The following DDX10 variants were observed in gnomAD, a reference collection of about 807,000 sequenced individuals.
The protein encoded by DDX10 is probable ATP-dependent RNA helicase DDX10.
Under a neutral mutation model 104.3 loss-of-function variants are expected in DDX10, and 74 were observed. The ratio of observed to expected loss-of-function variants is 0.71; its 90% CI spans 0.59 to 0.86. The LOEUF (loss-of-function observed/expected upper bound fraction) is 0.86. DDX10 is among the 40% of genes least tolerant of loss of function. DDX10 has a pLI of 0.00. For synonymous variants in DDX10, 351 were observed against 353.4 expected, an observed-to-expected ratio of 0.99 and a Z score of 0.08; for missense variants, 952 against 1,040.0, an observed-to-expected ratio of 0.92 and a Z score of 1.16.
chr11:108,913,931 C>T (rs929026588), intron 16 of DDX10, among the ~76,000 whole-genome samples: 6 of 152,002 alleles, frequency 3.9e-5, no homozygotes, highest in Admixed American at 6.6e-5. Context: ...ACAGGTATTC[C>T]ACATTTTATT....
chr11:108,733,250 C>T (rs545071795), intron 13 of DDX10, among the ~76,000 whole-genome samples: 1 of 152,016 alleles, frequency 6.6e-6, no homozygotes, highest in East Asian at 1.9e-4. Flanking sequence ...CAAGATTCTC[C>T]TATGTGGGAG....
At chr11:108,936,654 T>C (rs1163560533) in intron 17 of DDX10, among the ~76,000 whole-genome samples, 1 of 152,230 alleles carries the variant, frequency 6.6e-6, no homozygotes, top group Admixed American at 6.5e-5. Context: ...TGAAACATCA[T>C]TTTTAATAGC....
At chr11:108,938,662 C>G (rs776783138) in intron 17 of DDX10, among the ~76,000 whole-genome samples, 1 of 152,172 alleles carries the variant, frequency 6.6e-6, no homozygotes, top group South Asian at 2.1e-4. Flanking sequence ...TCATGTTCAT[C>G]TCTCCAGGCA....
rs539078634 is a variant in DDX10 at position 108,852,651 on chromosome 11, A to G, written c.2304+442A>G. Among the ~76,000 whole-genome samples, 3 of 152,338 alleles carry G rather than the reference A, an allele frequency of 2.0e-5. No individual in the cohort carries two copies. The South Asian group carries it at 6.2e-4, about 32-fold the overall frequency. Reference sequence around the variant, plus strand: ...CAGTTCAGCTCTTAGAATCTAGGAGAAAAGCATTCTGTATCTCCCACTTTT... The same window carrying G: ...CAGTTCAGCTCTTAGAATCTAGGAGGAAAGCATTCTGTATCTCCCACTTTT... On this transcript the variant is annotated intron_variant, in intron 16 of 17. Coordinates refer to ENST00000322536, the MANE Select transcript of DDX10 (RefSeq NM_004398.4).
At chr11:108,842,948 A>G (rs1039211448) in intron 15 of DDX10, among the ~76,000 whole-genome samples, 1 of 152,194 alleles carries the variant, frequency 6.6e-6, no homozygotes, top group African/African-American at 2.4e-5. Flanking sequence ...CTTTTCTCCC[A>G]TGTGGAAGTT....
At chr11:108,907,577 C>T (rs1229915013) in intron 16 of DDX10, among the ~76,000 whole-genome samples, 2 of 152,068 alleles carry the variant, frequency 1.3e-5, no homozygotes, top group African/African-American at 4.8e-5. Context: ...GCCTCTCATC[C>T]CCTCAAATTT....
chr11:108,875,730 A>G (rs1046674566), intron 16 of DDX10, among the ~76,000 whole-genome samples: 1 of 152,220 alleles, frequency 6.6e-6, no homozygotes, highest in Admixed American at 6.5e-5. Flanking sequence ...TTTCCAGTTC[A>G]TGAAGCACTT....
At chr11:108,673,665 A>G (rs1008355986) in intron 2 of DDX10, 138 bp downstream of exon 2, 1 of 624,930 alleles carries the variant, frequency 1.6e-6, no homozygotes, top group Non-Finnish European at 2.8e-6. Flanking sequence ...AAAATAAGCA[A>G]TATTCAAGTT....
chr11:108,739,976 C>CTT (rs35940578), intron 13 of DDX10, among the ~76,000 whole-genome samples: 27 of 127,456 alleles, frequency 2.1e-4, no homozygotes, highest in African/African-American at 4.9e-4. Flanking sequence ...GGCTACCCAC[C>CTT]TTTTTTTTTT....
At chr11:108,926,101 A>G (rs1403418327) in intron 17 of DDX10, among the ~76,000 whole-genome samples, 1 of 152,178 alleles carries the variant, frequency 6.6e-6, no homozygotes, top group East Asian at 1.9e-4. Flanking sequence ...TAGCTGTGAG[A>G]AAAAGGCATA....
At chr11:108,873,578 A>G (rs2553757) in intron 16 of DDX10, among the ~76,000 whole-genome samples, 114,807 of 152,026 alleles carry the variant, frequency 0.76, 43,690 homozygotes, top group Admixed American at 0.8. Flanking sequence ...TTCCGAGAAC[A>G]CCTTCTTTTG....
At chr11:108,812,432 A>C (rs1339724104) in intron 13 of DDX10, among the ~76,000 whole-genome samples, 1 of 152,080 alleles carries the variant, frequency 6.6e-6, no homozygotes, top group African/African-American at 2.4e-5. Flanking sequence ...AAAAACGTAC[A>C]ATTGAAGGAG....
At chr11:108,678,959 A>C (rs1273518908) in intron 5 of DDX10, among the ~76,000 whole-genome samples, 1 of 143,342 alleles carries the variant, frequency 7.0e-6, no homozygotes, top group African/African-American at 2.6e-5. Flanking sequence ...TCATGGGTTC[A>C]AGTGATTCTC....
At chr11:108,693,000 A>G (rs1490590517) in intron 8 of DDX10, among the ~76,000 whole-genome samples, 4 of 152,132 alleles carry the variant, frequency 2.6e-5, no homozygotes. Context: ...GCATCCATCA[A>G]CCCGTCATCT....
chr11:108,779,232 G>T (rs1202637645), intron 13 of DDX10, among the ~76,000 whole-genome samples: 4 of 152,154 alleles, frequency 2.6e-5, no homozygotes, highest in African/African-American at 9.7e-5. Flanking sequence ...AAAGACACAT[G>T]CACACGTATG....
chr11:108,794,663 T>G (rs541599083), intron 13 of DDX10, among the ~76,000 whole-genome samples: 2 of 152,158 alleles, frequency 1.3e-5, no homozygotes, highest in African/African-American at 2.4e-5. Flanking sequence ...ACGTGGTTAA[T>G]GGTGTTTATT....
chr11:108,762,998 G>A (rs2134517735), intron 13 of DDX10, among the ~76,000 whole-genome samples: 1 of 152,244 alleles, frequency 6.6e-6, no homozygotes, highest in African/African-American at 2.4e-5. Context: ...AGAAATTGCA[G>A]CCACAAAGTG....
intron 13 of DDX10, among the ~76,000 whole-genome samples, chr11:108,766,010 G>A (rs1334813017): frequency 6.6e-6 from 1 of 152,178 alleles, no homozygotes; most frequent in African/African-American, 2.4e-5. Context: ...TTGCTGCAAA[G>A]CCTTACGTAA....
At chr11:108,759,142 A>G (rs1352469795) in intron 13 of DDX10, among the ~76,000 whole-genome samples, 3 of 152,114 alleles carry the variant, frequency 2.0e-5, no homozygotes, top group African/African-American at 7.2e-5. Flanking sequence ...TATGGCTAAT[A>G]AAATAAATTG....
Sources: allele counts gnomAD v4.1 joint callset (sites outside exome capture counted in the v4.1 genomes callset), GRCh38; gene constraint gnomAD v4.1.1; transcripts MANE v1.5; gene names NCBI Gene and HGNC (gene_info 2026-07-23, HGNC 2026-07-21).